The following SLC25A30 variants were observed in gnomAD, a reference collection of about 807,000 sequenced individuals.
SLC25A30 encodes the protein solute carrier family 25 member 30, also known as kidney mitochondrial carrier protein 1.
In SLC25A30, 29 loss-of-function variants were observed where a neutral mutation model predicts 42.7. The observed-to-expected ratio is 0.68, with a 90% CI of 0.51 to 0.93. The LOEUF is 0.93. Ranked by LOEUF, SLC25A30 falls within the 40% of genes least tolerant of loss-of-function variation. The pLI, the probability that SLC25A30 is intolerant of heterozygous loss-of-function variation, is 0.00. For missense variants in SLC25A30, 300 were observed against 359.7 expected, an observed-to-expected ratio of 0.83 and a Z score of 1.34; for synonymous variants, 124 against 131.0, an observed-to-expected ratio of 0.95 and a Z score of 0.37.
At chr13:45,412,435 C>T (rs949667795) in intron 1 of SLC25A30, among the ~76,000 whole-genome samples, 3 of 152,088 alleles carry the variant, frequency 2.0e-5, no homozygotes, top group African/African-American at 7.2e-5. Flanking sequence ...AATATCGGCT[C>T]ACTTCTCTTA....
intron 1 of SLC25A30, among the ~76,000 whole-genome samples, chr13:45,417,425 T>G (rs921682745): frequency 6.6e-6 from 1 of 152,232 alleles, no homozygotes; most frequent in Non-Finnish European, 1.5e-5. Flanking sequence ...ATACATTTAT[T>G]GTTCCTTGCT....
chr13:45,429,781 G>T, the SLC25A30 span, among the ~76,000 whole-genome samples: 1 of 151,926 alleles, frequency 6.6e-6, no homozygotes, highest in Admixed American at 6.6e-5. Flanking sequence ...GCTACAGTGA[G>T]CTGTGATTGC....
chr13:45,409,692 C>A (rs1882837756), intron 2 of SLC25A30, among the ~76,000 whole-genome samples: 1 of 152,028 alleles, frequency 6.6e-6, no homozygotes, highest in Non-Finnish European at 1.5e-5. Flanking sequence ...ACCTGTAACC[C>A]CAGCTACTCA....
At chr13:45,416,176 G>C (rs1183580495) in intron 1 of SLC25A30, among the ~76,000 whole-genome samples, 1 of 151,946 alleles carries the variant, frequency 6.6e-6, no homozygotes, top group Non-Finnish European at 1.5e-5. Context: ...GGGAGGCCGA[G>C]GCGGGTGGAT....
chr13:45,395,743 G>A lies in SLC25A30; in HGVS notation c.*231C>T. ...CACATATTATCTTTGATGTTGAAGGGCACTTCAGTGGTAAAGACTAGTGTT... is the reference window on the plus strand; with the variant it reads ...CACATATTATCTTTGATGTTGAAGGACACTTCAGTGGTAAAGACTAGTGTT... On this transcript the variant is annotated 3_prime_UTR_variant, in exon 10 of 10. Transcript: ENST00000519676. 1 of 1,408,186 alleles carries A rather than the reference G, an allele frequency of 7.1e-7. No homozygotes were observed. 87.2% of individuals were successfully genotyped at this position (1,408,186 alleles called of 1,614,324 possible).
the SLC25A30 span, among the ~76,000 whole-genome samples, chr13:45,433,047 A>AAT: frequency 6.6e-6 from 1 of 151,852 alleles, no homozygotes; most frequent in East Asian, 1.9e-4. Context: ...AAAAAAAAAA[A>AAT]AAATTCAATC....
At chr13:45,418,940 CAAAAAAAAAAAAAAAAAAAAAAAAA>C (rs1168457204), upstream of SLC25A30, among the ~76,000 whole-genome samples, 421 of 14,872 alleles carry the variant, frequency 0.028, 6 homozygotes, top group East Asian at 0.25. Context: ...GACTTCGTCT[CAAAAAAAAAAAAAAAAAAAAAAAAA>C]AAAAAAAAAA....
Position 45,393,718 on chromosome 13 carries a change from C to T in SLC25A30, c.*2256G>A, listed in dbSNP as rs1881112220. 1.0e-6 allele frequency: 1 copy of T among 985,254 alleles called. No individual in the cohort carries two copies. The highest frequency in any genetic ancestry group is 1.1e-4 in the East Asian group (1 of 8,830). The allele number at this position is 985,254 out of a possible 1,614,324, so 61.0% of individuals were successfully genotyped here. A position where few individuals can be genotyped will look rare whatever the true frequency, so the allele number is the denominator to read the frequency against. ...AGAAGCTTCAACAATTGCATTAACT[C>T]TTTCAAAAAAACAGAAAAAGCAGGT... On this transcript the variant is annotated 3_prime_UTR_variant, in exon 10 of 10. Transcript: ENST00000519676.
the SLC25A30 span, among the ~76,000 whole-genome samples, chr13:45,428,869 A>G: frequency 6.6e-4 from 100 of 151,970 alleles, 1 homozygote; most frequent in East Asian, 0.019. Context: ...AGAGACAAAA[A>G]AAGAGAAACA....
chr13:45,421,697 G>T (rs147885560), upstream of SLC25A30, among the ~76,000 whole-genome samples: 17 of 152,240 alleles, frequency 1.1e-4, 1 homozygote, highest in East Asian at 3.3e-3. Flanking sequence ...TAAATGAGGC[G>T]ACGTGTGCAA....
intron 5 of SLC25A30, 123 bp from the exon 6 acceptor site, chr13:45,402,493 C>T (rs1213435851): frequency 3.8e-5 from 30 of 788,374 alleles, no homozygotes; most frequent in Non-Finnish European, 5.3e-5. Context: ...AAGGAAAAAA[C>T]TGTCATATAA....
chr13:45,394,581 A>G lies in SLC25A30; in HGVS notation c.*1393T>C. ...TCCTGTGGCTGCCTCCCAGAAGTGG[A>G]AGTTCTTGGGGTTCTCACAGTCATC... On this transcript the variant is annotated 3_prime_UTR_variant, in exon 10 of 10. Coordinates refer to ENST00000519676, the MANE Select transcript of SLC25A30 (RefSeq NM_001010875.4). 1.0e-6 allele frequency: 1 copy of G among 985,386 alleles called. No individual in the cohort carries two copies. The highest frequency in any genetic ancestry group is 1.2e-6 in the Non-Finnish European group (1 of 829,916). The allele number at this position is 985,386 out of a possible 1,614,324, so 61.0% of individuals were successfully genotyped here. A position where few individuals can be genotyped will look rare whatever the true frequency, so the allele number is the denominator to read the frequency against.
intron 7 of SLC25A30, among the ~76,000 whole-genome samples, chr13:45,400,315 G>T (rs984782382): frequency 6.6e-5 from 10 of 151,722 alleles, no homozygotes; most frequent in African/African-American, 2.4e-4. Flanking sequence ...CCAGCTACTT[G>T]GAAGGCTGAG....
At position 45,394,066 on chromosome 13, in the gene SLC25A30, G is replaced by T. The variant is rs1462030692; in HGVS notation, c.*1908C>A. The T allele has an allele frequency of 1.0e-6, 1 of 985,340 alleles. No individual in the cohort carries two copies. Among genetic ancestry groups the T allele is most frequent in the Non-Finnish European group, 1.2e-6 (1 of 829,886 alleles). 61.0% of individuals were successfully genotyped at this position (985,340 alleles called of 1,614,324 possible). A position where few individuals can be genotyped will look rare whatever the true frequency, so the allele number is the denominator to read the frequency against. On this transcript the variant is annotated 3_prime_UTR_variant, in exon 10 of 10. Transcript: ENST00000519676. ...AAAAGTGAAAGCCTCTCTATAGAAA[G>T]TCTTTATAAAATCAATGGAATGTTT...
At chr13:45,429,679 T>C in the SLC25A30 span, among the ~76,000 whole-genome samples, 1 of 151,568 alleles carries the variant, frequency 6.6e-6, no homozygotes, top group African/African-American at 2.4e-5. Context: ...AAAAAAAATT[T>C]TTTTAATTAG....
At chr13:45,412,145 G>T (rs1593624983) in intron 1 of SLC25A30, among the ~76,000 whole-genome samples, 1 of 151,236 alleles carries the variant, frequency 6.6e-6, no homozygotes. Flanking sequence ...TTTAAGACAG[G>T]GTCTCACCCT....
At chr13:45,405,693 T>C (rs1259786349) in intron 4 of SLC25A30, among the ~76,000 whole-genome samples, 190 bp downstream of exon 4, 2 of 152,242 alleles carry the variant, frequency 1.3e-5, no homozygotes, top group Admixed American at 1.3e-4. Context: ...TTCCTTTTCA[T>C]TATTTCTCCC....
At chr13:45,418,927 C>A (rs1360701785), upstream of SLC25A30, among the ~76,000 whole-genome samples, 4 of 86,026 alleles carry the variant, frequency 4.6e-5, no homozygotes, top group Admixed American at 3.6e-4. Context: ...GGCAACAAAG[C>A]GAGACTTCGT....
At chr13:45,430,609 C>T in the SLC25A30 span, among the ~76,000 whole-genome samples, 1 of 151,958 alleles carries the variant, frequency 6.6e-6, no homozygotes, top group Non-Finnish European at 1.5e-5. Flanking sequence ...AGTTTGAAAC[C>T]AGCCTGGGCA....
Sources: allele counts gnomAD v4.1 joint callset (sites outside exome capture counted in the v4.1 genomes callset), GRCh38; gene constraint gnomAD v4.1.1; transcripts MANE v1.5; gene names NCBI Gene and HGNC (gene_info 2026-07-23, HGNC 2026-07-21).